Variants in CRB1 observed in about 807,000 individuals in gnomAD.
CRB1 encodes protein crumbs homolog 1.
In CRB1, 83 loss-of-function variants were observed where a neutral mutation model predicts 120.0. The ratio of observed to expected loss-of-function variants is 0.69; its 90% CI spans 0.58 to 0.83. The LOEUF (loss-of-function observed/expected upper bound fraction) is 0.83. CRB1 is among the 40% of genes least tolerant of loss of function. The pLI is 0.00. For synonymous variants in CRB1, 625 were observed against 612.5 expected, an observed-to-expected ratio of 1.02 and a Z score of -0.30; for missense variants, 1,699 against 1,687.6, an observed-to-expected ratio of 1.01 and a Z score of -0.12.
At chr1:197,329,037 T>G (rs1159173616) in intron 2 of CRB1, 34 bp downstream of exon 2, 1 of 1,560,772 alleles carries the variant, frequency 6.4e-7, no homozygotes, top group Non-Finnish European at 8.8e-7. Flanking sequence ...ACAGATGGTG[T>G]AGTTAGCTCT....
At chr1:197,405,409 G>A (rs1308562092) in intron 5 of CRB1, among the ~76,000 whole-genome samples, 9 of 151,522 alleles carry the variant, frequency 5.9e-5, no homozygotes, top group African/African-American at 9.7e-5. Flanking sequence ...GTGCAGTGGT[G>A]TGATCTCGGC....
chr1:197,290,893 G>C (rs781550358), intron 1 of CRB1, among the ~76,000 whole-genome samples: 5 of 151,644 alleles, frequency 3.3e-5, no homozygotes, highest in Non-Finnish European at 7.4e-5. Context: ...TGTGTTTCTT[G>C]TGCCTGGCTC....
chr1:197,432,196 G>A (rs1279972657), intron 8 of CRB1, among the ~76,000 whole-genome samples: 2 of 152,096 alleles, frequency 1.3e-5, no homozygotes, highest in African/African-American at 4.8e-5. Flanking sequence ...AGTGTGCTCA[G>A]CAGAGTTAGT....
At chr1:197,429,426 C>T (rs1055908870) in intron 7 of CRB1, 23 bp from the exon 8 acceptor site, 4 of 1,613,472 alleles carry the variant, frequency 2.5e-6, no homozygotes, top group Non-Finnish European at 8.5e-7. Flanking sequence ...GCTTTTTATA[C>T]CTTTGATTTC....
At chr1:197,424,406 G>C (rs920022251) in intron 6 of CRB1, among the ~76,000 whole-genome samples, 2 of 152,030 alleles carry the variant, frequency 1.3e-5, no homozygotes, top group Admixed American at 6.6e-5. Flanking sequence ...AAAGTATCTC[G>C]AGCCATCTAA....
chr1:197,312,126 G>A (rs1302998816), intron 1 of CRB1, among the ~76,000 whole-genome samples: 2 of 152,004 alleles, frequency 1.3e-5, no homozygotes, highest in Non-Finnish European at 2.9e-5. Flanking sequence ...TAATGTCCCT[G>A]AAAAAATATG....
intron 4 of CRB1, among the ~76,000 whole-genome samples, chr1:197,353,924 C>G (rs1018201067): frequency 7.0e-6 from 1 of 143,014 alleles, no homozygotes; most frequent in African/African-American, 2.6e-5. Context: ...ACTAAATTTA[C>G]ATTTTGGGGC....
At chr1:197,442,089 G>A (rs758842872) in intron 10 of CRB1, 77 bp from the exon 11 acceptor site, 5 of 1,586,660 alleles carry the variant, frequency 3.2e-6, no homozygotes, top group Non-Finnish European at 3.5e-6. Flanking sequence ...GAGAGATAAG[G>A]CAAACTTTTT....
intron 10 of CRB1, 97 bp from the exon 11 acceptor site, chr1:197,442,069 T>C (rs1338057091): frequency 7.2e-7 from 1 of 1,383,180 alleles, no homozygotes; most frequent in South Asian, 1.2e-5. Context: ...GATAAGACTG[T>C]GCTGTTCCAG....
the CRB1 span, among the ~76,000 whole-genome samples, chr1:197,228,047 A>G: frequency 3.3e-5 from 5 of 152,244 alleles, no homozygotes; most frequent in East Asian, 5.8e-4. Context: ...TAGGCTTCAC[A>G]CAGCACAAGG....
intron 7 of CRB1, among the ~76,000 whole-genome samples, chr1:197,428,525 G>T (rs1664712446): frequency 6.6e-6 from 1 of 152,154 alleles, no homozygotes; most frequent in East Asian, 1.9e-4. Flanking sequence ...TCTTCTAAGA[G>T]CTGCTTAAAT....
chr1:197,231,177 C>T, the CRB1 span, among the ~76,000 whole-genome samples: 2 of 152,112 alleles, frequency 1.3e-5, no homozygotes, highest in Admixed American at 6.5e-5. Context: ...CAGTTACAGG[C>T]ATTATCTTAA....
At chr1:197,214,692 C>T in the CRB1 span, among the ~76,000 whole-genome samples, 1 of 151,988 alleles carries the variant, frequency 6.6e-6, no homozygotes, top group Non-Finnish European at 1.5e-5. Context: ...TAATGAAAAA[C>T]TTCACAACAA....
the CRB1 span, among the ~76,000 whole-genome samples, chr1:197,212,687 C>T: frequency 6.6e-6 from 1 of 152,106 alleles, no homozygotes; most frequent in African/African-American, 2.4e-5. Flanking sequence ...ATGGTTTCAT[C>T]AGGGTGTACA....
chr1:197,282,885 T>C (rs559729646), intron 1 of CRB1, among the ~76,000 whole-genome samples: 113 of 151,994 alleles, frequency 7.4e-4, no homozygotes, highest in Non-Finnish European at 1.4e-3. Flanking sequence ...CTTTCTTATA[T>C]AAGTCCCCTC....
intron 11 of CRB1, among the ~76,000 whole-genome samples, chr1:197,471,328 T>A (rs1034560959): frequency 6.6e-6 from 1 of 152,330 alleles, no homozygotes. Flanking sequence ...CAAACCCTGC[T>A]AACTGCAGTC....
At chr1:197,223,046 A>G in the CRB1 span, 18 of 788,206 alleles carry the variant, frequency 2.3e-5, no homozygotes, top group Admixed American at 1.4e-4. Flanking sequence ...GACAAGGACT[A>G]TCTTTGAGGC....
the CRB1 span, among the ~76,000 whole-genome samples, chr1:197,214,970 T>C: frequency 1.3e-5 from 2 of 152,050 alleles, no homozygotes; most frequent in African/African-American, 2.4e-5. Context: ...TTCAAAAACA[T>C]ATTAAAAGGA....
chr1:197,287,446 A>G (rs1655891298), intron 1 of CRB1, among the ~76,000 whole-genome samples: 1 of 151,862 alleles, frequency 6.6e-6, no homozygotes, highest in Non-Finnish European at 1.5e-5. Flanking sequence ...TTCCTAACTT[A>G]AAGTAGGGAC....
Sources: gnomAD v4.1 joint callset for allele counts (sites outside exome capture counted in the v4.1 genomes callset) on GRCh38, gnomAD v4.1.1 for gene constraint, MANE v1.5 for transcripts, NCBI Gene and HGNC (gene_info 2026-07-23, HGNC 2026-07-21) for gene names.